AXDND1: variants seen among roughly 807,000 people sequenced by gnomAD.
The protein encoded by AXDND1 is axonemal dynein light chain domain-containing protein 1.
In AXDND1, 110 loss-of-function variants were observed where a neutral mutation model predicts 137.5. That is an observed-to-expected ratio of 0.80 (90% CI 0.69 to 0.94). AXDND1 has a LOEUF of 0.94. AXDND1 is among the 40% of genes least tolerant of loss of function. The probability of loss-of-function intolerance (pLI) is 0.00; values close to 1 mark genes in which losing one functional copy is unlikely to be tolerated. For synonymous variants in AXDND1, 414 were observed against 399.7 expected (o/e 1.04, Z -0.43); for missense variants, 1,191 against 1,169.8 (o/e 1.02, Z -0.26).
chr1:179,399,119 C>G (rs1651542886), intron 11 of AXDND1, among the ~76,000 whole-genome samples: 1 of 152,094 alleles, frequency 6.6e-6, no homozygotes, highest in Non-Finnish European at 1.5e-5. Flanking sequence ...TAGTTAAAAC[C>G]AAAATTGTAT....
chr1:179,378,195 A>G (rs1647614072), intron 4 of AXDND1, among the ~76,000 whole-genome samples: 1 of 152,074 alleles, frequency 6.6e-6, no homozygotes, highest in Non-Finnish European at 1.5e-5. Flanking sequence ...GATAATAACA[A>G]TCACAACATG....
intron 18 of AXDND1, among the ~76,000 whole-genome samples, chr1:179,485,724 A>T (rs72704417): frequency 0.32 from 46,999 of 148,850 alleles, 7,795 homozygotes; most frequent in Middle Eastern, 0.42. Context: ...GAATATGTAT[A>T]GGAACAAAGA....
intron 16 of AXDND1, among the ~76,000 whole-genome samples, chr1:179,465,376 C>T (rs915851241): frequency 7.2e-5 from 11 of 152,334 alleles, no homozygotes; most frequent in Middle Eastern, 3.4e-3. Context: ...TTGGAGTTTG[C>T]TGGAGGTCCA....
intron 4 of AXDND1, among the ~76,000 whole-genome samples, chr1:179,370,852 C>T (rs1667966424): frequency 6.6e-6 from 1 of 152,116 alleles, no homozygotes; most frequent in African/African-American, 2.4e-5. Context: ...GTGTGCCTCC[C>T]AGGGATATTG....
intron 16 of AXDND1, chr1:179,447,481 A>T: frequency 2.2e-6 from 1 of 452,608 alleles, no homozygotes; most frequent in South Asian, 5.9e-5. Context: ...GAATGGAAAT[A>T]TTCATTAGGA....
At chr1:179,382,281 A>G (rs1648494463) in intron 6 of AXDND1, among the ~76,000 whole-genome samples, 1 of 151,598 alleles carries the variant, frequency 6.6e-6, no homozygotes, top group African/African-American at 2.4e-5. Flanking sequence ...GGGCTTCATC[A>G]TGTTGGCCAG....
In AXDND1 at chr1:179,385,264, GA is replaced by G; in HGVS notation, c.770del (p.Lys257ArgfsTer8). 6.2e-7 allele frequency: 1 copy of G among 1,610,868 alleles called. No homozygotes were observed. Among genetic ancestry groups the G allele is most frequent in the Non-Finnish European group, 8.5e-7 (1 of 1,177,122 alleles). On this transcript the variant is annotated frameshift_variant, in exon 9 of 26. Coordinates refer to ENST00000367618, the MANE Select transcript of AXDND1 (RefSeq NM_144696.6). LOFTEE classifies it high-confidence loss of function. ...KMHKLLHILKKEQTIYNMIFH... is the reference protein window; with the variant it reads ...KMHKLLHILKXEQTIYNMIFH... ...TGCACAAACTACTACATATATTGAA[GA>G]AGGAACAGACCATTTACAACATGAT...
At chr1:179,527,120 A>AGG (rs1159197489) in intron 22 of AXDND1, among the ~76,000 whole-genome samples, 1 of 152,216 alleles carries the variant, frequency 6.6e-6, no homozygotes, top group African/African-American at 2.4e-5. Context: ...AGTAGCCTTA[A>AGG]GGGCTGCTGG....
chr1:179,511,393 G>GGTGT (rs59772845), intron 21 of AXDND1, among the ~76,000 whole-genome samples: 10,381 of 144,928 alleles, frequency 0.072, 644 homozygotes, highest in African/African-American at 0.17. Flanking sequence ...TGGTATATGG[G>GGTGT]GTGTGTGTGT....
At position 179,554,631 on chromosome 1, in the gene AXDND1, C is replaced by A. The variant is rs983130812; in HGVS notation, c.*112C>A. 2.0e-6 allele frequency: 3 copies of A among 1,514,514 alleles called. No individual in the cohort carries two copies. In the Admixed American group the frequency reaches 5.1e-5, roughly 26 times the overall value. The allele number at this position is 1,514,514 out of a possible 1,614,324, so 93.8% of individuals were successfully genotyped here. A position where few individuals can be genotyped will look rare whatever the true frequency, so the allele number is the denominator to read the frequency against. ...TTGTTCTGTACTAAGGAACAACATT[C>A]CCTTTGAAAGGACATTATTTGCCTG... On this transcript the variant is annotated 3_prime_UTR_variant, in exon 26 of 26. Coordinates refer to ENST00000367618, the MANE Select transcript of AXDND1 (RefSeq NM_144696.6).
At chr1:179,369,117 G>A in intron 3 of AXDND1, 145 bp downstream of exon 3, 1 of 860,330 alleles carries the variant, frequency 1.2e-6, no homozygotes, top group Non-Finnish European at 1.7e-6. Context: ...TACTACTGTG[G>A]CCCAGGCTGG....
At chr1:179,429,385 T>C (rs749137194) in intron 12 of AXDND1, 133 bp from the exon 13 acceptor site, 15 of 476,946 alleles carry the variant, frequency 3.1e-5, no homozygotes, top group Non-Finnish European at 5.4e-5. Context: ...TTGTAATTCG[T>C]GTTAATGATT....
At chr1:179,367,800 G>A (rs1667608825) in intron 2 of AXDND1, among the ~76,000 whole-genome samples, 1 of 152,180 alleles carries the variant, frequency 6.6e-6, no homozygotes, top group Non-Finnish European at 1.5e-5. Flanking sequence ...TTAGTACAAT[G>A]TGCCAATTTG....
chr1:179,500,337 A>G lies in AXDND1; in HGVS notation c.2388+7386A>G, dbSNP rs1013615872. Among the ~76,000 whole-genome samples, 82 of 133,888 alleles carry G rather than the reference A, an allele frequency of 6.1e-4. 1 individual carries two copies. The East Asian group carries it at 8.9e-3, about 15-fold the overall frequency. The allele number at this position is 133,888 out of a possible 152,430, so 87.8% of individuals were successfully genotyped here. A position where few individuals can be genotyped will look rare whatever the true frequency, so the allele number is the denominator to read the frequency against. ...ATAGCCATTAATTGCAGGGTACATT[A>G]TGTGTGTGTGTGTGTGTGTGTGTGT... On this transcript the variant is annotated intron_variant, in intron 20 of 25. Coordinates refer to ENST00000367618, the MANE Select transcript of AXDND1 (RefSeq NM_144696.6).
Position 179,411,170 on chromosome 1 carries a change from A to G in AXDND1, c.1134A>G (p.Leu378=), listed in dbSNP as rs1424302020. ...NAKIVEEYHD[L]YTLQRERMEN... ...GAATAGTAGAAGAATATCATGACTTATATACATTACAAAGAGAAAGGATGG... is the reference window on the plus strand; with the variant it reads ...GAATAGTAGAAGAATATCATGACTTGTATACATTACAAAGAGAAAGGATGG... The change falls in exon 12 of 26, where the codon TTA becomes TTG. Residue 378 remains leucine (L), a synonymous_variant. Transcript: ENST00000367618. 1 of 1,606,148 alleles carries G rather than the reference A, an allele frequency of 6.2e-7. No individual in the cohort carries two copies. The highest frequency in any genetic ancestry group is 8.5e-7 in the Non-Finnish European group (1 of 1,175,180).
At chr1:179,445,442 A>T (rs2125369839) in intron 16 of AXDND1, among the ~76,000 whole-genome samples, 1 of 152,120 alleles carries the variant, frequency 6.6e-6, no homozygotes, top group East Asian at 1.9e-4. Flanking sequence ...TGCATCTATT[A>T]CCACAGTCAA....
chr1:179,389,025 A>G (rs1649700664), intron 9 of AXDND1, among the ~76,000 whole-genome samples: 1 of 124,522 alleles, frequency 8.0e-6, no homozygotes, highest in African/African-American at 3.1e-5. Flanking sequence ...CCCAGGCTAC[A>G]GTGCAATGGC....
intron 11 of AXDND1, among the ~76,000 whole-genome samples, chr1:179,404,207 G>T (rs138086727): frequency 1.5e-4 from 22 of 147,168 alleles, no homozygotes; most frequent in South Asian, 4.3e-4. Flanking sequence ...GTGTTCATCT[G>T]TGAGCTTTTT....
At chr1:179,536,873 C>G (rs1206559017) in intron 25 of AXDND1, among the ~76,000 whole-genome samples, 2 of 152,106 alleles carry the variant, frequency 1.3e-5, no homozygotes, top group Admixed American at 6.6e-5. Context: ...TTGTTTGTGT[C>G]CTCTTTTATT....
Sources: allele counts gnomAD v4.1 joint callset (sites outside exome capture counted in the v4.1 genomes callset), GRCh38; gene constraint gnomAD v4.1.1; transcripts MANE v1.5; gene names NCBI Gene and HGNC (gene_info 2026-07-23, HGNC 2026-07-21).